The following DNAH6 variants were observed in gnomAD, a reference collection of about 807,000 sequenced individuals.
DNAH6 encodes the protein axonemal beta dynein heavy chain 6.
DNAH6 carries 340 observed loss-of-function variants against 491.4 expected under a neutral mutation model. The observed-to-expected ratio is 0.69, with a 90% CI of 0.63 to 0.76. The LOEUF (loss-of-function observed/expected upper bound fraction) is 0.76. Ranked by LOEUF, DNAH6 falls within the 30% of genes least tolerant of loss-of-function variation. The pLI, the probability that DNAH6 is intolerant of heterozygous loss-of-function variation, is 0.00. For missense variants in DNAH6, 4,443 were observed against 4,972.2 expected, an observed-to-expected ratio of 0.89 and a Z score of 3.20; for synonymous variants, 1,603 against 1,686.1, an observed-to-expected ratio of 0.95 and a Z score of 1.21.
chr2:84,802,703 T>C (rs1338807037), intron 70 of DNAH6, among the ~76,000 whole-genome samples: 1 of 152,174 alleles, frequency 6.6e-6, no homozygotes, highest in African/African-American at 2.4e-5. Flanking sequence ...AATACTTGAC[T>C]AATTGGACCT....
chr2:84,637,015 T>C (rs1688946887), intron 30 of DNAH6, among the ~76,000 whole-genome samples, 195 bp from the exon 31 acceptor site: 1 of 151,988 alleles, frequency 6.6e-6, no homozygotes, highest in Admixed American at 6.6e-5. Flanking sequence ...GAGACAGAAA[T>C]CAGGAAACAC....
At chr2:84,470,777 C>T in the DNAH6 span, among the ~76,000 whole-genome samples, 2 of 152,146 alleles carry the variant, frequency 1.3e-5, no homozygotes, top group Admixed American at 1.3e-4. Context: ...GTGATCACAC[C>T]CAACACCAGG....
chr2:84,489,403 A>C, the DNAH6 span, among the ~76,000 whole-genome samples: 1 of 152,134 alleles, frequency 6.6e-6, no homozygotes, highest in Non-Finnish European at 1.5e-5. Flanking sequence ...TATGTATCAT[A>C]TCTTTTATGA....
intron 35 of DNAH6, among the ~76,000 whole-genome samples, chr2:84,656,257 A>G (rs1690958758): frequency 1.3e-5 from 2 of 152,170 alleles, no homozygotes; most frequent in Admixed American, 1.3e-4. Context: ...AATAAGCATT[A>G]ATGTGCAGGT....
intron 62 of DNAH6, among the ~76,000 whole-genome samples, chr2:84,736,097 A>T (rs550809284): frequency 6.6e-6 from 1 of 152,238 alleles, no homozygotes; most frequent in South Asian, 2.1e-4. Flanking sequence ...TTCCCAGCTC[A>T]TTTATTGAAT....
chr2:84,525,829 CAAAGTCATTTTCTAT>C, intron 3 of DNAH6, 91 bp downstream of exon 3: 1 of 922,018 alleles, frequency 1.1e-6, no homozygotes, highest in Non-Finnish European at 1.6e-6. Context: ...AGAATAGAAG[CAAAGTCATTTTCTAT>C]AAGGTTGCAT....
chr2:84,621,391 TA>T, intron 25 of DNAH6, 36 bp downstream of exon 25: 1 of 1,547,242 alleles, frequency 6.5e-7, no homozygotes, highest in Non-Finnish European at 8.7e-7. Flanking sequence ...CCTGAATTCT[TA>T]TTTGGTGATA....
chr2:84,465,513 A>G, the DNAH6 span, among the ~76,000 whole-genome samples: 1 of 152,186 alleles, frequency 6.6e-6, no homozygotes, highest in Non-Finnish European at 1.5e-5. Context: ...AAGAAAAAAA[A>G]AAGAAAACAT....
intron 72 of DNAH6, among the ~76,000 whole-genome samples, chr2:84,809,253 G>T (rs1358705127): frequency 6.6e-6 from 1 of 152,196 alleles, no homozygotes; most frequent in Non-Finnish European, 1.5e-5. Flanking sequence ...GACAGGAAAA[G>T]TGTTACTGCT....
At chr2:84,559,666 A>G (rs72939177) in intron 11 of DNAH6, among the ~76,000 whole-genome samples, 1,676 of 152,294 alleles carry the variant, frequency 0.011, 28 homozygotes, top group African/African-American at 0.037. Flanking sequence ...TAAAAATTTT[A>G]TAAATCACCC....
intron 9 of DNAH6, among the ~76,000 whole-genome samples, chr2:84,552,253 C>A (rs1679464424): frequency 6.6e-6 from 1 of 152,090 alleles, no homozygotes; most frequent in Non-Finnish European, 1.5e-5. Flanking sequence ...TTCTGGTCTG[C>A]CGCCTACTAG....
At chr2:84,484,051 A>G in the DNAH6 span, among the ~76,000 whole-genome samples, 1 of 152,086 alleles carries the variant, frequency 6.6e-6, no homozygotes, top group Admixed American at 6.5e-5. Context: ...GTTTTTGCCC[A>G]TGGTGTTTGG....
intron 63 of DNAH6, among the ~76,000 whole-genome samples, chr2:84,758,571 A>G (rs926915908): frequency 3.3e-5 from 5 of 152,202 alleles, no homozygotes; most frequent in African/African-American, 1.2e-4. Flanking sequence ...AAGATAATAT[A>G]ATATAAAGAT....
At chr2:84,547,738 G>C (rs1223993994) in intron 7 of DNAH6, 126 bp downstream of exon 7, 1 of 1,008,554 alleles carries the variant, frequency 9.9e-7, no homozygotes. Flanking sequence ...AACATTTGAT[G>C]GATATTATAA....
At chr2:84,614,473 C>G (rs536297064) in intron 22 of DNAH6, among the ~76,000 whole-genome samples, 1 of 152,204 alleles carries the variant, frequency 6.6e-6, no homozygotes, top group South Asian at 2.1e-4. Flanking sequence ...TTTGCAATTG[C>G]AAATTGTGCT....
chr2:84,761,789 T>TACACACACACACACACACAC (rs35707461), intron 63 of DNAH6, among the ~76,000 whole-genome samples: 5 of 141,862 alleles, frequency 3.5e-5, no homozygotes, highest in Middle Eastern at 3.5e-3. Context: ...CACACACACA[T>TACACACACACACACACACAC]ACACACACAC....
At chr2:84,799,154 A>C (rs982625606) in intron 70 of DNAH6, among the ~76,000 whole-genome samples, 1 of 151,886 alleles carries the variant, frequency 6.6e-6, no homozygotes, top group Non-Finnish European at 1.5e-5. Flanking sequence ...TGCCCAGCTA[A>C]TTTTTGTGTT....
chr2:84,611,195 T>A (rs1686291420), intron 21 of DNAH6, among the ~76,000 whole-genome samples: 1 of 115,778 alleles, frequency 8.6e-6, no homozygotes, highest in East Asian at 2.0e-4. Context: ...CAGTCTTCTA[T>A]ATTTACTACA....
the DNAH6 span, among the ~76,000 whole-genome samples, chr2:84,472,145 G>A: frequency 2.0e-5 from 3 of 151,976 alleles, no homozygotes; most frequent in African/African-American, 7.2e-5. Context: ...TTTAAAAAAT[G>A]TAATGTTAAT....
Sources: allele counts gnomAD v4.1 joint callset (sites outside exome capture counted in the v4.1 genomes callset), GRCh38; gene constraint gnomAD v4.1.1; transcripts MANE v1.5; gene names NCBI Gene and HGNC (gene_info 2026-07-23, HGNC 2026-07-21).